KCNN2: variants seen among roughly 807,000 people sequenced by gnomAD.
The protein encoded by KCNN2 is small conductance calcium-activated potassium channel protein 2.
Under a neutral mutation model 55.5 loss-of-function variants are expected in KCNN2, and 24 were observed. That is an observed-to-expected ratio of 0.43 (90% CI 0.31 to 0.61). The LOEUF is 0.61. Among genes scored for constraint, KCNN2 ranks in the 20% least tolerant of loss-of-function variants. KCNN2 has a pLI of 0.08. For synonymous variants in KCNN2, 431 were observed against 336.1 expected (o/e 1.28, Z -3.09); for missense variants, 754 against 853.6 (o/e 0.88, Z 1.45).
chr5:114,198,239 A>G (rs1199069862), intron 1 of KCNN2, among the ~76,000 whole-genome samples: 1 of 151,364 alleles, frequency 6.6e-6, no homozygotes, highest in African/African-American at 2.4e-5. Context: ...GCTCCTATAT[A>G]ATATTTATGG....
At chr5:114,350,584 T>G (rs536661446) in intron 2 of KCNN2, among the ~76,000 whole-genome samples, 119 of 152,084 alleles carry the variant, frequency 7.8e-4, no homozygotes, top group Middle Eastern at 3.4e-3. Flanking sequence ...GTTTTACAGT[T>G]TATTCCATAC....
chr5:114,481,646 A>T (rs1320074189), intron 5 of KCNN2, among the ~76,000 whole-genome samples: 1 of 152,196 alleles, frequency 6.6e-6, no homozygotes, highest in African/African-American at 2.4e-5. Flanking sequence ...TTCAAACTAT[A>T]TTATAGGGCT....
rs1755130324 is a variant in KCNN2 at position 114,262,592 on chromosome 5, A to G, written c.-185+41027A>G. Among the ~76,000 whole-genome samples the G allele has an allele frequency of 3.9e-5, 6 of 152,324 alleles. No homozygotes were observed. In the South Asian group the frequency reaches 1.2e-3, roughly 32 times the overall value. ...TGTGCGGCAATTGCCCTCCCTGTAA[A>G]AGTGCAATAGTAGCAGTAACTACTT... On this transcript the variant is annotated intron_variant, in intron 2 of 10. Coordinates refer to the KCNN2 transcript ENST00000512097.
chr5:114,279,782 C>A (rs1209931162), intron 2 of KCNN2, among the ~76,000 whole-genome samples: 1 of 150,928 alleles, frequency 6.6e-6, no homozygotes, highest in African/African-American at 2.4e-5. Flanking sequence ...GTCTTTATAG[C>A]AGCATGATTT....
intron 1 of KCNN2, among the ~76,000 whole-genome samples, chr5:114,083,411 C>A (rs375722120): frequency 2.0e-5 from 3 of 151,798 alleles, no homozygotes; most frequent in Non-Finnish European, 4.4e-5. Context: ...TCTAAATATG[C>A]GTTAGTTGAA....
At position 114,292,475 on chromosome 5, in the gene KCNN2, C is replaced by T. The variant is rs1179625261; in HGVS notation, c.-184-68470C>T. 1.2e-4 allele frequency among the ~76,000 whole-genome samples: 19 copies of T among 152,254 alleles called. No individual in the cohort carries two copies. In the East Asian group the frequency reaches 3.7e-3, roughly 29 times the overall value. On this transcript the variant is annotated intron_variant, in intron 2 of 10. Transcript: ENST00000512097. ...TCCTTTCCCCATTGCTTGTTTTTGC[C>T]AGGTTTGTCAAAGATCAGATAGTTG... is the stretch of plus-strand genomic sequence containing the variant.
chr5:114,339,800 CACAAACAAACAA>C (rs879465641), intron 2 of KCNN2, among the ~76,000 whole-genome samples: 1 of 142,928 alleles, frequency 7.0e-6, no homozygotes, highest in African/African-American at 2.7e-5. Flanking sequence ...CAGACCTTAT[CACAAACAAACAA>C]ACAAATAAAT....
chr5:114,109,717 C>T (rs559885891), intron 1 of KCNN2, among the ~76,000 whole-genome samples: 1 of 152,128 alleles, frequency 6.6e-6, no homozygotes, highest in East Asian at 1.9e-4. Context: ...CAAACTGTGG[C>T]TCCTTAATGT....
At chr5:114,212,236 C>T (rs1198222350) in intron 1 of KCNN2, among the ~76,000 whole-genome samples, 2 of 151,966 alleles carry the variant, frequency 1.3e-5, no homozygotes, top group Non-Finnish European at 2.9e-5. Context: ...CTGATTGATA[C>T]ATACAGTAGT....
At chr5:114,296,726 GC>G (rs1483794010) in intron 2 of KCNN2, among the ~76,000 whole-genome samples, 1 of 152,140 alleles carries the variant, frequency 6.6e-6, no homozygotes, top group Non-Finnish European at 1.5e-5. Context: ...ACTAGAAAGG[GC>G]ATTTAAAAGT....
At chr5:114,135,905 TAAAAG>T (rs1752165121) in intron 1 of KCNN2, among the ~76,000 whole-genome samples, 1 of 151,936 alleles carries the variant, frequency 6.6e-6, no homozygotes, top group East Asian at 1.9e-4. Context: ...AAATTGGAGA[TAAAAG>T]AAATGTAAGT....
intron 2 of KCNN2, among the ~76,000 whole-genome samples, chr5:114,265,343 GTGTGTGTGTGTGT>G (rs1392796604): frequency 1.1e-4 from 16 of 147,440 alleles, no homozygotes; most frequent in Admixed American, 6.7e-4. Context: ...GTGTGTGTGT[GTGTGTGTGTGTGT>G]GTGTGTGTGC....
At chr5:114,462,305 C>T (rs1284027656) in intron 3 of KCNN2, among the ~76,000 whole-genome samples, 1 of 152,194 alleles carries the variant, frequency 6.6e-6, no homozygotes, top group Non-Finnish European at 1.5e-5. Flanking sequence ...TTTGACACCT[C>T]AAAGAATGAT....
chr5:114,493,200 C>CT lies in KCNN2; in HGVS notation c.2019-203_2019-202insT, dbSNP rs1747945042. 48 of 659,200 alleles carry CT rather than the reference C, an allele frequency of 7.3e-5. 1 individual carries two copies. The South Asian group carries it at 7.5e-4, about 10-fold the overall frequency. 40.8% of individuals were successfully genotyped at this position (659,200 alleles called of 1,614,324 possible). A position where few individuals can be genotyped will look rare whatever the true frequency, so the allele number is the denominator to read the frequency against. On this transcript the variant is annotated intron_variant, in intron 6 of 7. Coordinates refer to ENST00000673685, the MANE Select transcript of KCNN2 (RefSeq NM_021614.4). ...CTAAGGACATCTCATCTCTTGCTCT[C>CT]ACTCTCTCCTTTCTTTTTTGCGGTG... is the stretch of plus-strand genomic sequence containing the variant.
At chr5:114,249,744 CAAAAAA>C (rs70976329) in intron 2 of KCNN2, among the ~76,000 whole-genome samples, 49 of 141,878 alleles carry the variant, frequency 3.5e-4, no homozygotes, top group Non-Finnish European at 3.1e-4. Context: ...ACCCTAGCTT[CAAAAAA>C]AAAAAAAAAA....
At chr5:114,204,025 A>G (rs1753723729) in intron 1 of KCNN2, among the ~76,000 whole-genome samples, 1 of 152,194 alleles carries the variant, frequency 6.6e-6, no homozygotes. Context: ...GTGCCTACCA[A>G]ACTACTTTAG....
rs79141645 is a variant in KCNN2 at position 114,446,406 on chromosome 5, C to T, written c.1638-16643C>T. Among the ~76,000 whole-genome samples, 21 of 152,290 alleles carry T rather than the reference C, an allele frequency of 1.4e-4. No individual in the cohort carries two copies. In the South Asian group the frequency reaches 2.1e-3, roughly 15 times the overall value. On this transcript the variant is annotated intron_variant, in intron 3 of 7. Transcript: ENST00000673685. ...GTTCTGTGGATCTCACAACTTGGCT[C>T]TCTGGTCCTTGCTGTCCAACATGGC...
intron 5 of KCNN2, among the ~76,000 whole-genome samples, chr5:114,476,021 T>TGTTA (rs1288738837): frequency 6.6e-6 from 1 of 152,190 alleles, no homozygotes; most frequent in East Asian, 1.9e-4. Context: ...TTAATAATTC[T>TGTTA]GTTATTTCAT....
intron 1 of KCNN2, among the ~76,000 whole-genome samples, chr5:114,092,994 T>C (rs1171612015): frequency 6.6e-6 from 1 of 152,242 alleles, no homozygotes; most frequent in Non-Finnish European, 1.5e-5. Context: ...TCCTTGTTAC[T>C]TATGCAAATT....
Sources: allele counts gnomAD v4.1 joint callset (sites outside exome capture counted in the v4.1 genomes callset), GRCh38; gene constraint gnomAD v4.1.1; transcripts MANE v1.5; gene names NCBI Gene and HGNC (gene_info 2026-07-23, HGNC 2026-07-21).